Variants in WSCD2 observed in about 807,000 individuals in gnomAD.
WSCD2 encodes the protein WSC domain sialate O sulfotransferase 2.
Under a neutral mutation model 55.7 loss-of-function variants are expected in WSCD2, and 28 were observed. That is an observed-to-expected ratio of 0.50 (90% confidence interval 0.37 to 0.69). The LOEUF (loss-of-function observed/expected upper bound fraction) is 0.69, where lower values mean the gene tolerates loss of function less well. Among genes scored for constraint, WSCD2 ranks in the 30% least tolerant of loss-of-function variants. The pLI is 0.00. For synonymous variants in WSCD2, 301 were observed against 301.9 expected, an observed-to-expected ratio of 1.00 and a Z score of 0.03; for missense variants, 616 against 762.1, an observed-to-expected ratio of 0.81 and a Z score of 2.26.
At position 108,248,076 on chromosome 12, in the gene WSCD2, G is replaced by T; in HGVS notation, c.1431G>T (p.Val477=). 1 of 1,614,208 alleles carries T rather than the reference G, an allele frequency of 6.2e-7. No homozygotes were observed. The highest frequency in any genetic ancestry group is 1.1e-5 in the South Asian group (1 of 91,068). Residue 477 remains valine, a synonymous_variant, in exon 9 of 9, where the codon GTG becomes GTT. Transcript: ENST00000547525. The surrounding 1 kb of genome is among the most constrained non-coding windows in gnomAD (Gnocchi z 4.3). ...TCAAGTTTGGCAAGAAGGTGCTGGT[G>T]GTGCACTTTGAGGACCTGAAGCAGG... The part of the protein sequence containing the change: ...DWLKFGKKVL[V]VHFEDLKQDL...
chr12:108,156,336 G>A (rs781370318), intron 1 of WSCD2, among the ~76,000 whole-genome samples: 1 of 152,176 alleles, frequency 6.6e-6, no homozygotes, highest in Non-Finnish European at 1.5e-5. Flanking sequence ...TAACTCACAG[G>A]TTAACAAGTC....
At chr12:108,223,187 C>A (rs1342438550) in intron 4 of WSCD2, among the ~76,000 whole-genome samples, 1 of 152,166 alleles carries the variant, frequency 6.6e-6, no homozygotes, top group Non-Finnish European at 1.5e-5. Flanking sequence ...ACATAAAATA[C>A]CTTCATAGCA....
chr12:108,246,601 C>A (rs1035070147), intron 8 of WSCD2, among the ~76,000 whole-genome samples: 2 of 152,224 alleles, frequency 1.3e-5, no homozygotes, highest in Non-Finnish European at 2.9e-5. Context: ...CCCATGGAAT[C>A]CCCAGGTTCT....
At chr12:108,204,721 A>C (rs959163495) in intron 2 of WSCD2, among the ~76,000 whole-genome samples, 1 of 152,210 alleles carries the variant, frequency 6.6e-6, no homozygotes, top group Non-Finnish European at 1.5e-5. Context: ...CCTCTGTCTT[A>C]TGAAGGAAAT....
At chr12:108,142,000 G>T (rs1876872727) in intron 1 of WSCD2, among the ~76,000 whole-genome samples, 1 of 152,210 alleles carries the variant, frequency 6.6e-6, no homozygotes, top group Non-Finnish European at 1.5e-5. Flanking sequence ...AAAACACACA[G>T]CCTTCCAGGG....
chr12:108,145,390 G>A (rs139758801), intron 1 of WSCD2, among the ~76,000 whole-genome samples: 1 of 152,294 alleles, frequency 6.6e-6, no homozygotes, highest in African/African-American at 2.4e-5. Flanking sequence ...CCCTCTACCG[G>A]ACTGTCTGCT....
chr12:108,198,017 G>A (rs1456219670), intron 2 of WSCD2, among the ~76,000 whole-genome samples: 1 of 150,174 alleles, frequency 6.7e-6, no homozygotes, highest in African/African-American at 2.5e-5. Context: ...TTCCCATAGA[G>A]ACCATCCCGG....
chr12:108,241,380 C>T (rs577826713), intron 8 of WSCD2, among the ~76,000 whole-genome samples: 17 of 152,308 alleles, frequency 1.1e-4, no homozygotes, highest in African/African-American at 3.9e-4. Context: ...CTTAACCGTT[C>T]TCAGCCTCAA....
chr12:108,233,962 C>A (rs1889038785), intron 7 of WSCD2, among the ~76,000 whole-genome samples: 1 of 152,166 alleles, frequency 6.6e-6, no homozygotes, highest in Non-Finnish European at 1.5e-5. Flanking sequence ...ATTTACTGTA[C>A]CTACCTCTCT....
chr12:108,181,984 A>G (rs1881831826), intron 1 of WSCD2, among the ~76,000 whole-genome samples: 1 of 152,226 alleles, frequency 6.6e-6, no homozygotes, highest in Non-Finnish European at 1.5e-5. Context: ...GAGAGATTAA[A>G]TGGTTTCCTC....
chr12:108,220,637 C>T (rs1408851286), intron 4 of WSCD2, among the ~76,000 whole-genome samples: 1 of 152,164 alleles, frequency 6.6e-6, no homozygotes, highest in Non-Finnish European at 1.5e-5. Context: ...TCAAGCAATT[C>T]TTCCATATCA....
chr12:108,223,016 C>T (rs1237486615), intron 4 of WSCD2, among the ~76,000 whole-genome samples: 2 of 152,230 alleles, frequency 1.3e-5, no homozygotes, highest in African/African-American at 4.8e-5. Context: ...ACTGGAAACT[C>T]AGGCAGCAGT....
At chr12:108,203,604 C>T (rs142210578) in intron 2 of WSCD2, among the ~76,000 whole-genome samples, 3,906 of 152,310 alleles carry the variant, frequency 0.026, 84 homozygotes, top group Non-Finnish European at 0.035. Flanking sequence ...TTTGAAGGCA[C>T]AAACAGTCCA....
chr12:108,235,156 A>G (rs1489188317), intron 7 of WSCD2, among the ~76,000 whole-genome samples: 1 of 152,188 alleles, frequency 6.6e-6, no homozygotes, highest in Non-Finnish European at 1.5e-5. Context: ...TCTGAGCTTT[A>G]ATTTCCTAAT....
chr12:108,223,402 T>C (rs895948191), intron 4 of WSCD2, among the ~76,000 whole-genome samples: 1 of 152,228 alleles, frequency 6.6e-6, no homozygotes, highest in African/African-American at 2.4e-5. Context: ...TAACTTTGTA[T>C]CTTAAACACA....
In WSCD2 at chr12:108,224,775, C is replaced by A; in HGVS notation, c.719C>A (p.Pro240His). 1.2e-6 allele frequency: 2 copies of A among 1,613,498 alleles called. No individual in the cohort carries two copies. The highest frequency in any genetic ancestry group is 1.7e-6 in the Non-Finnish European group (2 of 1,180,040). Residue 240 changes from proline to histidine, a missense_variant, in exon 5 of 9, where the codon CCC (proline) becomes CAC (histidine). Pro to His is a moderately conservative substitution (Grantham distance 77, BLOSUM62 -2). Transcript: ENST00000547525. Reference sequence around the variant, plus strand: ...GTGTTCCGGGGCTGCTTCCGCAGGCCCGACAACCTTTCCCTGGCCTTACCC... The same window carrying A: ...GTGTTCCGGGGCTGCTTCCGCAGGCACGACAACCTTTCCCTGGCCTTACCC... ...SAVFRGCFRR[P>H]DNLSLALPVT...
intron 2 of WSCD2, among the ~76,000 whole-genome samples, chr12:108,205,360 T>C (rs1018608788): frequency 1.1e-4 from 17 of 152,242 alleles, no homozygotes; most frequent in Admixed American, 6.5e-4. Flanking sequence ...AAGGAGACAA[T>C]GTATGTAAAG....
intron 1 of WSCD2, among the ~76,000 whole-genome samples, chr12:108,149,049 G>C (rs746026073): frequency 2.0e-5 from 3 of 152,206 alleles, no homozygotes; most frequent in Non-Finnish European, 4.4e-5. Context: ...GAGGAGACAT[G>C]ATCAAAGGAT....
At chr12:108,247,416 A>G (rs2137253785) in intron 8 of WSCD2, among the ~76,000 whole-genome samples, 1 of 152,232 alleles carries the variant, frequency 6.6e-6, no homozygotes, top group South Asian at 2.1e-4. Flanking sequence ...TGCCTGGCAT[A>G]TAGTAATCAC....
Sources: allele counts gnomAD v4.1 joint callset (sites outside exome capture counted in the v4.1 genomes callset), GRCh38; gene constraint gnomAD v4.1.1; non-coding constraint Gnocchi (gnomAD v3.1); transcripts MANE v1.5; gene names NCBI Gene and HGNC (gene_info 2026-07-23, HGNC 2026-07-21).